Variants in PSME4 observed in about 807,000 individuals in gnomAD.
PSME4 encodes the protein proteasome activator subunit 4.
Under a neutral mutation model 253.9 loss-of-function variants are expected in PSME4, and 89 were observed. The ratio of observed to expected loss-of-function variants is 0.35; its 90% CI spans 0.30 to 0.42. The LOEUF is 0.42. Ranked by LOEUF, PSME4 falls within the 10% of genes least tolerant of loss-of-function variation. PSME4 has a pLI of 1.00. For missense variants in PSME4, 2,014 were observed against 2,195.2 expected, an observed-to-expected ratio of 0.92 and a Z score of 1.65; for synonymous variants, 851 against 759.2, an observed-to-expected ratio of 1.12 and a Z score of -1.99.
chr2:53,880,987 T>C (rs150671465), intron 41 of PSME4, among the ~76,000 whole-genome samples: 1 of 152,338 alleles, frequency 6.6e-6, no homozygotes, highest in East Asian at 1.9e-4. Flanking sequence ...GCCGTCTCTC[T>C]TCCTACCATT....
At chr2:53,933,356 C>A (rs1337626936) in intron 8 of PSME4, among the ~76,000 whole-genome samples, 1 of 118,864 alleles carries the variant, frequency 8.4e-6, no homozygotes, top group Non-Finnish European at 1.6e-5. Context: ...CCAGCCTGGG[C>A]GATAGAGCGA....
Position 53,905,499 on chromosome 2 carries a change from G to A in PSME4, c.2943+1099C>T, listed in dbSNP as rs117637325. Among the ~76,000 whole-genome samples the A allele has an allele frequency of 4.7e-4, 71 of 152,166 alleles. No individual in the cohort carries two copies. In the East Asian group the frequency reaches 0.012, roughly 25 times the overall value. ...GCAGATCGCTTGAGCCCAGGAGTTC[G>A]AGGCCAGCCTGGGCAATACAACGAG... On this transcript the variant is annotated intron_variant, in intron 26 of 46. Coordinates refer to ENST00000404125, the MANE Select transcript of PSME4 (RefSeq NM_014614.3).
At chr2:53,886,567 G>A (rs1017919676) in intron 40 of PSME4, among the ~76,000 whole-genome samples, 16 of 152,268 alleles carry the variant, frequency 1.1e-4, no homozygotes, top group Non-Finnish European at 2.4e-4. Flanking sequence ...AAAACAGGTG[G>A]CGAGAACACG....
rs776256304 is a variant in PSME4 at position 53,949,292 on chromosome 2, G to C, written c.243-9C>G. On this transcript the variant is annotated splice_polypyrimidine_tract_variant and intron_variant, in intron 1 of 46. Coordinates refer to ENST00000404125, the MANE Select transcript of PSME4 (RefSeq NM_014614.3). ...CATAAAGTCGAATATATCTGCAAGAGAAAAATAGATATACCCTTTAAAAAT... is the reference window on the plus strand; with the variant it reads ...CATAAAGTCGAATATATCTGCAAGACAAAAATAGATATACCCTTTAAAAAT... 4 of 1,538,432 alleles carry C rather than the reference G, an allele frequency of 2.6e-6. No homozygotes were observed. The highest frequency in any genetic ancestry group is 1.2e-5 in the South Asian group (1 of 85,496).
At chr2:53,873,903 T>C (rs565144170) in intron 43 of PSME4, among the ~76,000 whole-genome samples, 3 of 152,312 alleles carry the variant, frequency 2.0e-5, no homozygotes, top group African/African-American at 4.8e-5. Flanking sequence ...ATTTGTATTA[T>C]AAGGAATCAT....
chr2:53,867,194 C>T lies in PSME4; in HGVS notation c.5264-314G>A, dbSNP rs377380693. On this transcript the variant is annotated intron_variant, in intron 44 of 46. Coordinates refer to ENST00000404125, the MANE Select transcript of PSME4 (RefSeq NM_014614.3). The stretch of plus-strand genomic sequence containing the variant: ...GGCAATAAAGTGAGAACCTGTCTCT[C>T]CAAAAATAATTTTTAAAAATCAGCT... Among the ~76,000 whole-genome samples, 12 of 152,110 alleles carry T rather than the reference C, an allele frequency of 7.9e-5. No individual in the cohort carries two copies. The East Asian group carries it at 1.7e-3, about 22-fold the overall frequency.
At chr2:53,964,773 T>C (rs1169704783) in intron 1 of PSME4, among the ~76,000 whole-genome samples, 2 of 152,204 alleles carry the variant, frequency 1.3e-5, no homozygotes, top group Non-Finnish European at 2.9e-5. Context: ...AGAAGGTTTG[T>C]GTATTTGATA....
chr2:53,936,248 T>A, intron 6 of PSME4, 87 bp from the exon 7 acceptor site: 2 of 1,562,038 alleles, frequency 1.3e-6, no homozygotes, highest in East Asian at 4.7e-5. Context: ...TTTGTTCTTT[T>A]TGGCAATCAT....
intron 19 of PSME4, among the ~76,000 whole-genome samples, chr2:53,919,639 G>A (rs890646965): frequency 6.6e-6 from 1 of 152,110 alleles, no homozygotes; most frequent in Admixed American, 6.6e-5. Context: ...TTCAGAGTAC[G>A]ACAGAGTTGA....
chr2:53,952,873 G>C (rs1032986203), intron 1 of PSME4, among the ~76,000 whole-genome samples: 15 of 152,224 alleles, frequency 9.9e-5, no homozygotes, highest in African/African-American at 3.6e-4. Flanking sequence ...ACCCATACCA[G>C]TCCCTGAGCT....
chr2:53,960,890 G>A (rs1339929654), intron 1 of PSME4, among the ~76,000 whole-genome samples: 3 of 151,966 alleles, frequency 2.0e-5, no homozygotes, highest in East Asian at 1.9e-4. Context: ...GGCGGATCAC[G>A]TGAGGTGAGG....
chr2:53,923,832 C>T (rs894985530), intron 14 of PSME4, among the ~76,000 whole-genome samples: 1 of 144,020 alleles, frequency 6.9e-6, no homozygotes, highest in African/African-American at 2.6e-5. Context: ...CTGAGGCATG[C>T]GAATTGCTTG....
chr2:53,887,212 T>A lies in PSME4; in HGVS notation c.4729+47A>T, dbSNP rs767353260. The A allele has an allele frequency of 2.0e-6, 3 of 1,505,916 alleles. No individual in the cohort carries two copies. In the South Asian group the frequency reaches 3.4e-5, roughly 17 times the overall value. The allele number at this position is 1,505,916 out of a possible 1,614,324, so 93.3% of individuals were successfully genotyped here. A position where few individuals can be genotyped will look rare whatever the true frequency, so the allele number is the denominator to read the frequency against. On this transcript the variant is annotated intron_variant, in intron 40 of 46. Coordinates refer to ENST00000404125, the MANE Select transcript of PSME4 (RefSeq NM_014614.3). ...TGGTGCAAAAAACTCTACAGGATAA[T>A]CAAATAGATGTTTTCAACTGAGTTT...
chr2:53,920,414 T>A, intron 18 of PSME4, 64 bp from the exon 19 acceptor site: 3 of 1,414,698 alleles, frequency 2.1e-6, no homozygotes, highest in Non-Finnish European at 1.9e-6. Context: ...CAAACCCACA[T>A]ACATATACAC....
intron 43 of PSME4, among the ~76,000 whole-genome samples, chr2:53,873,164 C>G (rs945224095): frequency 3.3e-4 from 49 of 148,880 alleles, no homozygotes; most frequent in African/African-American, 1.2e-3. Context: ...TGGCGTGAAC[C>G]CAGGAGGCGG....
intron 19 of PSME4, 67 bp downstream of exon 19, chr2:53,920,126 C>G: frequency 7.3e-7 from 1 of 1,370,466 alleles, no homozygotes; most frequent in East Asian, 2.3e-5. Context: ...AGATATGCCA[C>G]AGATAAAGCC....
chr2:53,892,853 A>G lies in PSME4; in HGVS notation c.4146T>C (p.Ile1382=). The G allele has an allele frequency of 6.2e-7, 1 of 1,613,870 alleles. No individual in the cohort carries two copies. The highest frequency in any genetic ancestry group is 1.3e-5 in the African/African-American group (1 of 75,038). ...TAGAACCTCTGATTAAACCAGCTAT[A>G]ATTTCTGCAACACATCGCTGGGTGC... ...HESTQRCVAE[I]IAGLIRGSKH... is the part of the protein sequence containing the mutation. Residue 1382 remains isoleucine (I), a synonymous_variant, in exon 36 of 47, where the codon ATT becomes ATC. Coordinates refer to ENST00000404125, the MANE Select transcript of PSME4 (RefSeq NM_014614.3).
chr2:53,938,426 G>C (rs1430222734), intron 4 of PSME4, among the ~76,000 whole-genome samples: 1 of 150,710 alleles, frequency 6.6e-6, no homozygotes, highest in African/African-American at 2.4e-5. Flanking sequence ...ACAAAATGAA[G>C]GTAAATAAAG....
Position 53,957,845 on chromosome 2 carries a change from A to G in PSME4, c.243-8562T>C, listed in dbSNP as rs115440980. On this transcript the variant is annotated intron_variant, in intron 1 of 46. Transcript: ENST00000404125. ...CAGAAAGCAAAACTTTATGTGCTTA[A>G]TAATGGTAACAAAATATTGTGTGAG... 2.9e-3 allele frequency among the ~76,000 whole-genome samples: 443 copies of G among 152,328 alleles called. 2 individuals carry two copies. Among genetic ancestry groups the G allele is most frequent in the African/African-American group, 1.0e-2 (415 of 41,570 alleles).
Sources: gnomAD v4.1 joint callset for allele counts (sites outside exome capture counted in the v4.1 genomes callset) on GRCh38, gnomAD v4.1.1 for gene constraint, MANE v1.5 for transcripts, NCBI Gene and HGNC (gene_info 2026-07-23, HGNC 2026-07-21) for gene names.